The following ELAC2 variants were observed in gnomAD, a reference collection of about 807,000 sequenced individuals.
ELAC2 encodes zinc phosphodiesterase ELAC protein 2.
In ELAC2, 92 loss-of-function variants were observed where a neutral mutation model predicts 105.2. The ratio of observed to expected loss-of-function variants is 0.87; its 90% CI spans 0.74 to 1.04. ELAC2 has a LOEUF of 1.04. Ranked by LOEUF, ELAC2 falls within the 50% of genes least tolerant of loss-of-function variation. The pLI, the probability that ELAC2 is intolerant of heterozygous loss-of-function variation, is 0.00. For missense variants in ELAC2, 1,099 were observed against 1,071.7 expected, an observed-to-expected ratio of 1.03 and a Z score of -0.36; for synonymous variants, 468 against 409.1, an observed-to-expected ratio of 1.14 and a Z score of -1.74.
In ELAC2 at chr17:13,010,636, G is replaced by A. The variant is rs377338076; in HGVS notation, c.715C>T (p.Leu239=). The part of the protein sequence containing the change: ...SQRRGVRDSS[L]VVAFICKLHL... Reference sequence around the variant, plus strand: ...ACCTTACAGATGAAAGCTACGACCAGGGAAGAGTCCCTGACCCCTCTTCTC... The same window carrying A: ...ACCTTACAGATGAAAGCTACGACCAAGGAAGAGTCCCTGACCCCTCTTCTC... The change falls in exon 8 of 24, where the codon CTG becomes TTG. Residue 239 remains leucine, a synonymous_variant. Transcript: ENST00000338034. The A allele has an allele frequency of 5.0e-6, 8 of 1,613,980 alleles. No individual in the cohort carries two copies. The African/African-American group carries it at 1.1e-4, about 22-fold the overall frequency.
chr17:13,016,769 T>C (rs1036050287), intron 3 of ELAC2, 93 bp downstream of exon 3: 2 of 991,452 alleles, frequency 2.0e-6, no homozygotes, highest in Middle Eastern at 3.1e-4. Flanking sequence ...AAAAAAAAAG[T>C]AGCTGCCCAC....
intron 11 of ELAC2, 94 bp downstream of exon 11, chr17:13,004,895 T>G (rs1450056314): frequency 3.9e-6 from 4 of 1,017,646 alleles, no homozygotes; most frequent in Admixed American, 1.7e-5. Flanking sequence ...GATAGTGGTC[T>G]TCCCAGAAAC....
At position 13,017,942 on chromosome 17, in the gene ELAC2, C is replaced by G; in HGVS notation, c.6G>C (p.Trp2Cys). ...CGGACCGCAGCAGCGAGCAAAGCGC[C>G]CACATGCGCCCGTCTCCACCAAAAC... MWALCSLLRSAA... is the reference protein window; with the variant it reads MCALCSLLRSAA... Residue 2 changes from tryptophan (W) to cysteine (C), a missense_variant, in exon 1 of 24, where the codon TGG becomes TGC. By Grantham distance (215) the Trp-to-Cys change is radical. Transcript: ENST00000338034. 1 of 1,537,056 alleles carries G rather than the reference C, an allele frequency of 6.5e-7. No homozygotes were observed. The highest frequency in any genetic ancestry group is 8.7e-7 in the Non-Finnish European group (1 of 1,146,804).
rs76738579 is a variant in ELAC2, at chr17:13,013,445, A to C, written c.491-170T>G. On this transcript the variant is annotated intron_variant, in intron 5 of 23. Coordinates refer to ENST00000338034, the MANE Select transcript of ELAC2 (RefSeq NM_018127.7). ...ATTACCATTTTTAGGAAATAAATAA[A>C]AGTGTATTTTGGTCAGCCATTTATA... 0.086 allele frequency among the ~76,000 whole-genome samples: 13,046 copies of C among 152,234 alleles called. 772 individuals carry two copies. The highest frequency in any genetic ancestry group is 0.2 in the Middle Eastern group (58 of 294).
intron 19 of ELAC2, 24 bp from the exon 20 acceptor site, chr17:12,995,086 A>G (rs1175635397): frequency 6.2e-7 from 1 of 1,610,774 alleles, no homozygotes; most frequent in East Asian, 2.2e-5. Flanking sequence ...AAACATTTAA[A>G]ATGATAATAA....
At position 13,016,772 on chromosome 17, in the gene ELAC2, C is replaced by T. The variant is rs2041752732; in HGVS notation, c.367+90G>A. On this transcript the variant is annotated intron_variant, in intron 3 of 23. Transcript: ENST00000338034. ...AAAAAAAAAAAAAAAAAAAAAGTAG[C>T]TGCCCACCCCAGACTTGGAAAAATG... The T allele has an allele frequency of 6.8e-5, 73 of 1,069,482 alleles. No homozygotes were observed. In the South Asian group the frequency reaches 9.9e-4, roughly 15 times the overall value. The allele number at this position is 1,069,482 out of a possible 1,614,324, so 66.2% of individuals were successfully genotyped here.
In ELAC2 at chr17:12,993,054, C is replaced by T; in HGVS notation, c.2254-9G>A. 2 of 1,601,068 alleles carry T rather than the reference C, an allele frequency of 1.2e-6. No individual in the cohort carries two copies. Among genetic ancestry groups the T allele is most frequent in the Non-Finnish European group, 8.5e-7 (1 of 1,179,560 alleles). On this transcript the variant is annotated splice_polypyrimidine_tract_variant and intron_variant, in intron 23 of 23. Coordinates refer to ENST00000338034, the MANE Select transcript of ELAC2 (RefSeq NM_018127.7). ...AAGTCTCCAAAGCAGACCTAGAAGA[C>T]ACAATAGAAGACAAGGACATGTCTC...
intron 12 of ELAC2, chr17:13,002,868 A>AATTC (rs2040897381): frequency 2.3e-5 from 11 of 479,154 alleles, no homozygotes; most frequent in Non-Finnish European, 2.7e-5. Flanking sequence ...TGAGGAATGA[A>AATTC]AGAGACAGCA....
chr17:12,999,084 C>T (rs986191495), intron 15 of ELAC2, among the ~76,000 whole-genome samples: 6 of 152,208 alleles, frequency 3.9e-5, no homozygotes, highest in Non-Finnish European at 7.3e-5. Context: ...CCCTGGCAAC[C>T]GCTCTGAAAC....
rs770396786 is a variant in ELAC2 at position 12,992,140 on chromosome 17, T to TTGA, written c.*675_*677dup. On this transcript the variant is annotated 3_prime_UTR_variant, in exon 24 of 24. Coordinates refer to ENST00000338034, the MANE Select transcript of ELAC2 (RefSeq NM_018127.7). ...CTCACTGATTGATTTGATTGATTGATTGATTGATTGATAGAGAAAGCACGC... is the reference window on the plus strand; with the variant it reads ...CTCACTGATTGATTTGATTGATTGATTGATGATTGATTGATAGAGAAAGCACGC... Among the ~76,000 whole-genome samples, 105 of 150,696 alleles carry TTGA rather than the reference T, an allele frequency of 7.0e-4. 2 individuals carry two copies. Among genetic ancestry groups the TTGA allele is most frequent in the East Asian group, 3.5e-3 (18 of 5,170 alleles).
rs576520315 is a variant in ELAC2 at position 12,999,228 on chromosome 17, A to T, written c.1424-720T>A. Among the ~76,000 whole-genome samples the T allele has an allele frequency of 2.0e-5, 3 of 152,364 alleles. No homozygotes were observed. In the East Asian group the frequency reaches 5.8e-4, roughly 29 times the overall value. Reference sequence around the variant, plus strand: ...TACATTTAAAAAATGACATTTCTTTATGCTGGGAACTGTCATTTATTTCAA... The same window carrying T: ...TACATTTAAAAAATGACATTTCTTTTTGCTGGGAACTGTCATTTATTTCAA... On this transcript the variant is annotated intron_variant, in intron 15 of 23. Transcript: ENST00000338034.
intron 7 of ELAC2, among the ~76,000 whole-genome samples, chr17:13,010,918 T>C (rs1355491545): frequency 6.6e-6 from 1 of 151,866 alleles, no homozygotes; most frequent in Non-Finnish European, 1.5e-5. Context: ...GCAAGTGAAA[T>C]TTTTTTTAAA....
intron 15 of ELAC2, 88 bp downstream of exon 15, chr17:13,000,068 G>A (rs947241416): frequency 1.7e-5 from 21 of 1,216,892 alleles, no homozygotes; most frequent in South Asian, 1.1e-4. Context: ...GTTAGAATGC[G>A]CCCCACCAGC....
chr17:13,016,981 C>A lies in ELAC2; in HGVS notation c.297-49G>T, dbSNP rs895736172. The A allele has an allele frequency of 4.3e-6, 7 of 1,612,602 alleles. No individual in the cohort carries two copies. The Admixed American group carries it at 5.0e-5, about 12-fold the overall frequency. ...CAGGATAACATGAACAGAACAAGGA[C>A]CACTTTTGCTATAAAAAACAACTGG... On this transcript the variant is annotated intron_variant, in intron 2 of 23. Transcript: ENST00000338034.
intron 6 of ELAC2, among the ~76,000 whole-genome samples, chr17:13,012,885 G>A (rs1450649673): frequency 2.0e-5 from 3 of 152,024 alleles, no homozygotes; most frequent in Non-Finnish European, 2.9e-5. Context: ...CTTCATGATC[G>A]TCTGATCAAA....
chr17:13,010,529 C>A, intron 8 of ELAC2, 84 bp downstream of exon 8: 2 of 1,263,412 alleles, frequency 1.6e-6, no homozygotes, highest in Non-Finnish European at 2.3e-6. Flanking sequence ...GGAGTGCCTA[C>A]CCTCAAATTA....
At chr17:13,001,720 A>G (rs1480098202) in intron 14 of ELAC2, among the ~76,000 whole-genome samples, 1 of 147,780 alleles carries the variant, frequency 6.8e-6, no homozygotes, top group Non-Finnish European at 1.5e-5. Context: ...TATATAAGAC[A>G]TTTATTGTTT....
chr17:13,009,872 C>T (rs1260104700), intron 8 of ELAC2, among the ~76,000 whole-genome samples: 1 of 151,852 alleles, frequency 6.6e-6, no homozygotes, highest in Non-Finnish European at 1.5e-5. Flanking sequence ...ACCTATAATC[C>T]TAGCTACTTG....
chr17:13,016,765 A>T, intron 3 of ELAC2, 97 bp downstream of exon 3: 1 of 1,217,576 alleles, frequency 8.2e-7, no homozygotes, highest in Non-Finnish European at 1.2e-6. Flanking sequence ...AAAAAAAAAA[A>T]AAGTAGCTGC....
Sources: allele counts gnomAD v4.1 joint callset (sites outside exome capture counted in the v4.1 genomes callset), GRCh38; gene constraint gnomAD v4.1.1; transcripts MANE v1.5; gene names NCBI Gene and HGNC (gene_info 2026-07-23, HGNC 2026-07-21).